Variants in USP2 observed in about 807,000 individuals in gnomAD.
USP2 encodes the protein ubiquitin specific peptidase 2.
USP2 carries 33 observed loss-of-function variants against 72.0 expected under a neutral mutation model. The observed-to-expected ratio is 0.46, with a 90% CI of 0.35 to 0.61. The LOEUF (loss-of-function observed/expected upper bound fraction) is 0.61, where lower values mean the gene tolerates loss of function less well. USP2 is among the 20% of genes least tolerant of loss of function. The pLI, the probability that USP2 is intolerant of heterozygous loss-of-function variation, is 0.01. For synonymous variants in USP2, 296 were observed against 312.5 expected, an observed-to-expected ratio of 0.95 and a Z score of 0.56; for missense variants, 691 against 797.8, an observed-to-expected ratio of 0.87 and a Z score of 1.61.
At chr11:119,375,248 C>T (rs1444702889) in intron 1 of USP2, among the ~76,000 whole-genome samples, 1 of 152,252 alleles carries the variant, frequency 6.6e-6, no homozygotes, top group Non-Finnish European at 1.5e-5. Context: ...GCAGAAAGCT[C>T]TAGAATCCCA....
intron 2 of USP2, chr11:119,363,812 C>A (rs1005713759): frequency 3.6e-6 from 5 of 1,372,410 alleles, no homozygotes; most frequent in Non-Finnish European, 3.8e-6. Flanking sequence ...GGACCCCAGG[C>A]CCTCGGCGCG....
intron 2 of USP2, among the ~76,000 whole-genome samples, chr11:119,370,751 G>A (rs1950915321): frequency 6.6e-6 from 1 of 152,240 alleles, no homozygotes; most frequent in South Asian, 2.1e-4. Flanking sequence ...CGGCTAAAGT[G>A]CCTTATGAGT....
intron 1 of USP2, among the ~76,000 whole-genome samples, chr11:119,375,816 T>A (rs1259552908): frequency 1.3e-5 from 2 of 152,118 alleles, no homozygotes; most frequent in East Asian, 3.9e-4. Flanking sequence ...GCCCGTGACA[T>A]CCCTTGACCC....
intron 6 of USP2, 24 bp downstream of exon 6, chr11:119,359,000 C>G (rs1194529259): frequency 6.2e-7 from 1 of 1,612,288 alleles, no homozygotes; most frequent in East Asian, 2.2e-5. Context: ...TTTTGCTTTC[C>G]CACAGCATTC....
chr11:119,361,041 T>C (rs1343249567), intron 2 of USP2, among the ~76,000 whole-genome samples: 1 of 152,146 alleles, frequency 6.6e-6, no homozygotes, highest in African/African-American at 2.4e-5. Context: ...CGATCTTCAG[T>C]TGGGAAAAAC....
intron 2 of USP2, among the ~76,000 whole-genome samples, chr11:119,371,276 C>T (rs1283941335): frequency 1.3e-5 from 2 of 152,112 alleles, no homozygotes; most frequent in African/African-American, 4.8e-5. Flanking sequence ...CCGAGCCCCT[C>T]CGAGGAGAGC....
intron 9 of USP2, 69 bp downstream of exon 9, chr11:119,357,912 G>A: frequency 1.2e-6 from 2 of 1,612,502 alleles, no homozygotes; most frequent in African/African-American, 1.3e-5. Context: ...AACTGGATCT[G>A]CTGGTATCAG....
chr11:119,379,002 C>T, intron 1 of USP2: 3 of 985,490 alleles, frequency 3.0e-6, no homozygotes, highest in Non-Finnish European at 3.6e-6. Flanking sequence ...GGGGCAGCTA[C>T]TGACCTGTGT....
chr11:119,378,528 T>C (rs546247582), intron 1 of USP2, among the ~76,000 whole-genome samples: 1 of 152,246 alleles, frequency 6.6e-6, no homozygotes, highest in South Asian at 2.1e-4. Flanking sequence ...TCCATTTCTC[T>C]TTCTTGTGCT....
At chr11:119,362,223 T>C (rs1950775003) in intron 2 of USP2, among the ~76,000 whole-genome samples, 1 of 151,878 alleles carries the variant, frequency 6.6e-6, no homozygotes, top group South Asian at 2.1e-4. Flanking sequence ...GAAAACGGAG[T>C]CATCTGTCTA....
rs918100007 is a variant in USP2 at position 119,355,374 on chromosome 11, T to C, written c.*1461A>G. The stretch of plus-strand genomic sequence containing the variant: ...TGTCAGGCCAGTAAAACTCAGGGTG[T>C]CTTTCTCTGATGCCTCCTCCTAGGA... On this transcript the variant is annotated 3_prime_UTR_variant, in exon 13 of 13. Transcript: ENST00000260187. 6.6e-6 allele frequency: 1 copy of C among 152,260 alleles called. No homozygotes were observed. The highest frequency in any genetic ancestry group is 1.5e-5 in the Non-Finnish European group (1 of 68,064). The allele number at this position is 152,260 out of a possible 1,614,324, so 9.4% of individuals were successfully genotyped here. A position where few individuals can be genotyped will look rare whatever the true frequency, so the allele number is the denominator to read the frequency against.
Position 119,373,464 on chromosome 11 carries a change from G to C in USP2, c.17C>G (p.Ser6Cys). The change falls in exon 2 of 13, where the codon TCC becomes TGC. Residue 6 changes from serine to cysteine, a missense_variant. Physicochemically the swap from Ser to Cys is moderately radical, Grantham distance 112. Transcript: ENST00000260187. MSQLS[S>C]TLKRYTESAR... ...CGATTCTGTGTAGCGCTTCAGGGTG[G>C]AGGAGAGCTGGGACATCCTTCAGGG... The C allele has an allele frequency of 6.3e-7, 1 of 1,585,866 alleles. No individual in the cohort carries two copies. The highest frequency in any genetic ancestry group is 1.1e-5 in the South Asian group (1 of 88,270).
chr11:119,375,106 C>A (rs1463607302), intron 1 of USP2, among the ~76,000 whole-genome samples: 2 of 152,212 alleles, frequency 1.3e-5, no homozygotes, highest in African/African-American at 4.8e-5. Flanking sequence ...GGATGCCAGG[C>A]CTCCCCCTGC....
chr11:119,373,489 G>A lies in USP2; in HGVS notation c.-9C>T. On this transcript the variant is annotated 5_prime_UTR_variant, in exon 2 of 13. Transcript: ENST00000260187. ...GAGGAGAGCTGGGACATCCTTCAGG[G>A]TGGCACTCAGTGGGGACTGGGAGCC... 1 of 1,561,240 alleles carries A rather than the reference G, an allele frequency of 6.4e-7. No homozygotes were observed. The highest frequency in any genetic ancestry group is 8.6e-7 in the Non-Finnish European group (1 of 1,160,180).
intron 12 of USP2, 75 bp from the exon 13 acceptor site, chr11:119,356,997 C>T (rs577441656): frequency 6.6e-7 from 1 of 1,516,768 alleles, no homozygotes; most frequent in East Asian, 2.5e-5. Flanking sequence ...TCTGTGCCCC[C>T]GAGGCCGGCC....
At position 119,356,311 on chromosome 11, in the gene USP2, G is replaced by A. The variant is rs965277093; in HGVS notation, c.*524C>T. 2.0e-5 allele frequency: 3 copies of A among 153,092 alleles called. No individual in the cohort carries two copies. The highest frequency in any genetic ancestry group is 7.2e-5 in the African/African-American group (3 of 41,460). 9.5% of individuals were successfully genotyped at this position (153,092 alleles called of 1,614,324 possible). On this transcript the variant is annotated 3_prime_UTR_variant, in exon 13 of 13. Transcript: ENST00000260187. ...GGGCTTTTTAAAAACCAAAACCAGC[G>A]TTTTCCAAAGATGTCCCTTCGTCTG...
intron 12 of USP2, 32 bp from the exon 13 acceptor site, chr11:119,356,954 G>C (rs1197183420): frequency 6.5e-7 from 1 of 1,547,444 alleles, no homozygotes; most frequent in African/African-American, 1.4e-5. Context: ...AGCCCGGAGC[G>C]GGCAGGACCG....
chr11:119,377,222 T>C (rs887429268), intron 1 of USP2, among the ~76,000 whole-genome samples: 18 of 152,198 alleles, frequency 1.2e-4, no homozygotes, highest in Non-Finnish European at 2.4e-4. Flanking sequence ...CTGGGAGTGA[T>C]GTGGATTTCC....
intron 2 of USP2, chr11:119,364,035 T>C (rs946643637): frequency 2.1e-4 from 254 of 1,190,678 alleles, no homozygotes; most frequent in Non-Finnish European, 2.5e-4. Flanking sequence ...TCGCTTAACG[T>C]TGGCAGCGGG....
Sources: allele counts gnomAD v4.1 joint callset (sites outside exome capture counted in the v4.1 genomes callset), GRCh38; gene constraint gnomAD v4.1.1; transcripts MANE v1.5; gene names NCBI Gene and HGNC (gene_info 2026-07-23, HGNC 2026-07-21).